RPL31: variants seen among roughly 807,000 people sequenced by gnomAD.
The protein encoded by RPL31 is ribosomal protein L31.
For synonymous variants in RPL31, 51 were observed against 55.0 expected (o/e 0.93, Z 0.32); for missense variants, 95 against 164.0 (o/e 0.58, Z 2.30).
intron 4 of RPL31, chr2:101,018,904 A>C (rs1248726828): frequency 6.7e-7 from 1 of 1,491,424 alleles, no homozygotes; most frequent in East Asian, 2.4e-5. Flanking sequence ...ATCAATCTGC[A>C]GTGAAAACTG....
At chr2:101,011,875 G>A (rs866313232), downstream of RPL31, among the ~76,000 whole-genome samples, 4 of 152,266 alleles carry the variant, frequency 2.6e-5, no homozygotes, top group Middle Eastern at 6.8e-3. Context: ...ATATATCCAT[G>A]CACACATAAA....
chr2:101,008,319 G>T, downstream of RPL31: 1 of 1,431,692 alleles, frequency 7.0e-7, no homozygotes, highest in African/African-American at 1.4e-5. Flanking sequence ...CAGGGTGGAA[G>T]TGTCATTTTT....
chr2:101,007,876 T>C (rs772679281), downstream of RPL31: 8 of 1,612,782 alleles, frequency 5.0e-6, no homozygotes, highest in Admixed American at 3.3e-5. Flanking sequence ...TTCAAAAGTT[T>C]TGAGATTGTA....
At chr2:101,013,700 A>G (rs1031662626) in intron 4 of RPL31, among the ~76,000 whole-genome samples, 2 of 152,196 alleles carry the variant, frequency 1.3e-5, no homozygotes, top group Non-Finnish European at 2.9e-5. Flanking sequence ...TGCCACTGCC[A>G]TCTTCCTCAC....
intron 4 of RPL31, among the ~76,000 whole-genome samples, chr2:101,013,949 T>G (rs1679425482): frequency 6.6e-6 from 1 of 152,228 alleles, no homozygotes; most frequent in Non-Finnish European, 1.5e-5. Flanking sequence ...AGCGAGGCCC[T>G]GCGCTTGGAT....
chr2:101,008,009 T>C (rs746924), downstream of RPL31: 1,040,426 of 1,613,658 alleles, frequency 0.64, 340,220 homozygotes, highest in Middle Eastern at 0.69. Flanking sequence ...GTCCAGTCCC[T>C]TTCTGCCGCC....
intron 3 of RPL31, chr2:101,005,605 G>A (rs568046825): frequency 1.1e-4 from 26 of 237,162 alleles, no homozygotes; most frequent in African/African-American, 5.8e-4. Context: ...CCACCATGCC[G>A]TTTCTTCATA....
intron 4 of RPL31, 78 bp from the exon 5 acceptor site, chr2:101,006,271 AC>A: frequency 6.4e-7 from 1 of 1,572,008 alleles, no homozygotes; most frequent in Middle Eastern, 1.7e-4. Flanking sequence ...GAATGCCCAG[AC>A]CCGTCTACAA....
chr2:101,008,665 A>T (rs1678936251), downstream of RPL31, among the ~76,000 whole-genome samples: 1 of 152,154 alleles, frequency 6.6e-6, no homozygotes, highest in African/African-American at 2.4e-5. Context: ...ATACAAAATT[A>T]GCCAGGCATG....
At chr2:101,002,874 C>G in intron 2 of RPL31, 66 bp downstream of exon 2, 1 of 1,140,700 alleles carries the variant, frequency 8.8e-7, no homozygotes, top group Middle Eastern at 2.0e-4. Flanking sequence ...AGAGATGTGC[C>G]GAATCACCTC....
chr2:101,009,249 A>C (rs917683681), downstream of RPL31, among the ~76,000 whole-genome samples: 1 of 151,728 alleles, frequency 6.6e-6, no homozygotes, highest in African/African-American at 2.4e-5. Context: ...TTAAAAATAC[A>C]AAAAAAATTA....
At chr2:101,015,755 C>G in intron 4 of RPL31, among the ~76,000 whole-genome samples, 1 of 152,200 alleles carries the variant, frequency 6.6e-6, no homozygotes. Context: ...ACAGAGCCCT[C>G]AGAAACAACG....
At position 101,006,467 on chromosome 2, in the gene RPL31, C is replaced by A. The variant is rs754433567; in HGVS notation, c.*86C>A. ...TTGCAACATAATGTACTTGTATACC[C>A]TATCCTAATTATGGGATCATTTGAA... On this transcript the variant is annotated 3_prime_UTR_variant, in exon 5 of 5. Coordinates refer to ENST00000264258, the MANE Select transcript of RPL31 (RefSeq NM_000993.5). 3 of 1,258,464 alleles carry A rather than the reference C, an allele frequency of 2.4e-6. No homozygotes were observed. The highest frequency in any genetic ancestry group is 1.5e-5 in the South Asian group (1 of 68,836). 78.0% of individuals were successfully genotyped at this position (1,258,464 alleles called of 1,614,324 possible). A position where few individuals can be genotyped will look rare whatever the true frequency, so the allele number is the denominator to read the frequency against.
rs896272752 is a variant in RPL31, at chr2:101,002,871, T to G, written c.107+63T>G. 1.0e-5 allele frequency: 12 copies of G among 1,197,120 alleles called. No individual in the cohort carries two copies. In the African/African-American group the frequency reaches 1.4e-4, roughly 13 times the overall value. The allele number at this position is 1,197,120 out of a possible 1,614,324, so 74.2% of individuals were successfully genotyped here. A position where few individuals can be genotyped will look rare whatever the true frequency, so the allele number is the denominator to read the frequency against. On this transcript the variant is annotated intron_variant, in intron 2 of 4. Transcript: ENST00000264258. The stretch of plus-strand genomic sequence containing the variant: ...CGCGTCTGGTTGTTACCGAGAGATG[T>G]GCCGAATCACCTCCACCCCAATCTT...
downstream of RPL31, among the ~76,000 whole-genome samples, chr2:101,009,838 T>TTTG (rs1679059246): frequency 6.6e-6 from 1 of 151,506 alleles, no homozygotes; most frequent in African/African-American, 2.4e-5. Context: ...TTTTTTTTTT[T>TTTG]TGAGATGGAG....
At chr2:101,010,610 C>T (rs1335177913), downstream of RPL31, among the ~76,000 whole-genome samples, 2 of 151,112 alleles carry the variant, frequency 1.3e-5, no homozygotes, top group Admixed American at 6.6e-5. Flanking sequence ...CTCGGTCGGG[C>T]GCGGTGGCTC....
At chr2:101,003,120 T>A (rs1172457237) in intron 2 of RPL31, among the ~76,000 whole-genome samples, 1 of 152,212 alleles carries the variant, frequency 6.6e-6, no homozygotes, top group Non-Finnish European at 1.5e-5. Context: ...CCTTCTATCT[T>A]AGGTTAGAAA....
intron 4 of RPL31, among the ~76,000 whole-genome samples, chr2:101,014,711 G>GA (rs1002780266): frequency 1.3e-5 from 2 of 152,112 alleles, no homozygotes; most frequent in Non-Finnish European, 2.9e-5. Flanking sequence ...CAGATATCTT[G>GA]ACATATTGGC....
At chr2:101,009,136 G>GT (rs1229000147), downstream of RPL31, among the ~76,000 whole-genome samples, 2 of 152,210 alleles carry the variant, frequency 1.3e-5, no homozygotes, top group Admixed American at 6.5e-5. Context: ...GCTCATGCCT[G>GT]TAATCCCAGC....
Sources: gnomAD v4.1 joint callset for allele counts (sites outside exome capture counted in the v4.1 genomes callset) on GRCh38, gnomAD v4.1.1 for gene constraint, MANE v1.5 for transcripts, NCBI Gene and HGNC (gene_info 2026-07-23, HGNC 2026-07-21) for gene names.